The following DLGAP2 variants were observed in gnomAD, a reference collection of about 807,000 sequenced individuals.
DLGAP2 encodes disks large-associated protein 2.
Under a neutral mutation model 100.3 loss-of-function variants are expected in DLGAP2, and 26 were observed. The ratio of observed to expected loss-of-function variants is 0.26; its 90% CI spans 0.19 to 0.36. The LOEUF (loss-of-function observed/expected upper bound fraction) is 0.36, where lower values mean the gene tolerates loss of function less well. Among genes scored for constraint, DLGAP2 ranks in the 10% least tolerant of loss-of-function variants. The pLI, the probability that DLGAP2 is intolerant of heterozygous loss-of-function variation, is 1.00. For synonymous variants in DLGAP2, 886 were observed against 630.1 expected (o/e 1.41, Z -6.08); for missense variants, 1,858 against 1,453.2 (o/e 1.28, Z -4.53).
intron 3 of DLGAP2, among the ~76,000 whole-genome samples, chr8:1,468,832 C>G (rs1466680441): frequency 1.3e-5 from 2 of 152,218 alleles, no homozygotes; most frequent in Admixed American, 6.5e-5. Flanking sequence ...TGGATGCCAG[C>G]AGCTTGTGGT....
At chr8:1,512,898 G>A (rs574404467) in intron 4 of DLGAP2, among the ~76,000 whole-genome samples, 20 of 152,376 alleles carry the variant, frequency 1.3e-4, no homozygotes, top group Non-Finnish European at 2.5e-4. Context: ...TGGTCGCACC[G>A]CCACCCTGTG....
At chr8:1,599,803 C>G (rs1041990380) in intron 6 of DLGAP2, among the ~76,000 whole-genome samples, 26 of 152,140 alleles carry the variant, frequency 1.7e-4, no homozygotes, top group Non-Finnish European at 7.3e-5. Context: ...ATACAGCATA[C>G]TAATGGGCCT....
chr8:1,108,861 A>T (rs1585068102), intron 2 of DLGAP2, among the ~76,000 whole-genome samples: 1 of 120,286 alleles, frequency 8.3e-6, no homozygotes, highest in East Asian at 2.9e-4. Flanking sequence ...TGAGGTGTGC[A>T]CGGGTCTGTG....
At chr8:1,390,209 C>T (rs139267775) in intron 3 of DLGAP2, among the ~76,000 whole-genome samples, 1 of 152,116 alleles carries the variant, frequency 6.6e-6, no homozygotes, top group South Asian at 2.1e-4. Context: ...TGATCTCTGC[C>T]ATAGTAATCA....
intron 1 of DLGAP2, among the ~76,000 whole-genome samples, chr8:856,451 G>A (rs955634976): frequency 6.6e-5 from 10 of 152,094 alleles, no homozygotes; most frequent in African/African-American, 1.9e-4. Flanking sequence ...GCCTCCCATA[G>A]TGCTGGGATT....
intron 3 of DLGAP2, among the ~76,000 whole-genome samples, chr8:1,417,318 G>GGGTTA (rs1796923315): frequency 6.6e-6 from 1 of 152,162 alleles, no homozygotes; most frequent in African/African-American, 2.4e-5. Context: ...GGGGTGCCCA[G>GGGTTA]GTTCGACAGC....
At chr8:1,063,794 T>C (rs562087193) in intron 2 of DLGAP2, among the ~76,000 whole-genome samples, 1 of 152,310 alleles carries the variant, frequency 6.6e-6, no homozygotes, top group South Asian at 2.1e-4. Flanking sequence ...ATTTCATTCA[T>C]AATTTTGTTC....
chr8:1,325,427 G>A (rs113046069), intron 3 of DLGAP2, among the ~76,000 whole-genome samples: 2,353 of 152,318 alleles, frequency 0.015, 41 homozygotes, highest in Non-Finnish European at 0.024. Context: ...CCTGCAGCCC[G>A]GCTGCTGTAG....
chr8:1,481,531 T>C (rs1485025830), intron 3 of DLGAP2, among the ~76,000 whole-genome samples: 2 of 132,288 alleles, frequency 1.5e-5, no homozygotes, highest in Non-Finnish European at 3.1e-5. Flanking sequence ...CAGGCTGGAG[T>C]GCAGTGGTAT....
At chr8:1,673,853 G>A (rs1222505534) in intron 10 of DLGAP2, among the ~76,000 whole-genome samples, 1 of 152,038 alleles carries the variant, frequency 6.6e-6, no homozygotes, top group Non-Finnish European at 1.5e-5. Flanking sequence ...ATATATTAGA[G>A]GAAATTTGGA....
At chr8:771,996 G>A (rs1190344980) in intron 1 of DLGAP2, among the ~76,000 whole-genome samples, 1 of 151,812 alleles carries the variant, frequency 6.6e-6, no homozygotes, top group Non-Finnish European at 1.5e-5. Flanking sequence ...TCCAACTCCT[G>A]GACTCAAGCG....
intron 3 of DLGAP2, among the ~76,000 whole-genome samples, chr8:1,497,871 A>G (rs192312147): frequency 3.5e-4 from 53 of 152,318 alleles, no homozygotes; most frequent in African/African-American, 1.0e-3. Flanking sequence ...TGAACTCTGT[A>G]AAGTATTTTG....
chr8:787,329 G>A (rs1821895940), intron 1 of DLGAP2, among the ~76,000 whole-genome samples: 1 of 152,174 alleles, frequency 6.6e-6, no homozygotes, highest in Admixed American at 6.5e-5. Flanking sequence ...GTGATGCTGA[G>A]GACCCTCCTT....
At chr8:1,249,390 A>T (rs567393528) in intron 2 of DLGAP2, among the ~76,000 whole-genome samples, 21 of 152,226 alleles carry the variant, frequency 1.4e-4, no homozygotes, top group African/African-American at 3.6e-4. Context: ...TCCTTATGTC[A>T]TCTCTTCAGG....
Position 860,460 on chromosome 8 carries a change from A to G in DLGAP2, c.19-47452A>G, listed in dbSNP as rs182436400. 1.3e-4 allele frequency among the ~76,000 whole-genome samples: 20 copies of G among 152,314 alleles called. No homozygotes were observed. In the East Asian group the frequency reaches 2.5e-3, roughly 19 times the overall value. On this transcript the variant is annotated intron_variant, in intron 1 of 14. Transcript: ENST00000637795. ...GCCTTGGCTTTTCTGTCCCAATGGA[A>G]TGAATTTCATTGTCCTGGACCAAAT...
At chr8:1,545,439 T>C (rs1002516005) in intron 4 of DLGAP2, among the ~76,000 whole-genome samples, 16 of 152,218 alleles carry the variant, frequency 1.1e-4, no homozygotes, top group Non-Finnish European at 2.1e-4. Flanking sequence ...TGTACGTTCA[T>C]GAATAAATGA....
intron 6 of DLGAP2, among the ~76,000 whole-genome samples, chr8:1,605,461 A>G (rs767381982): frequency 2.0e-5 from 3 of 152,130 alleles, no homozygotes; most frequent in Non-Finnish European, 4.4e-5. Flanking sequence ...TGATCACAAG[A>G]GTCTCTGGTG....
At chr8:1,283,539 T>C (rs1484775651) in intron 3 of DLGAP2, among the ~76,000 whole-genome samples, 1 of 152,238 alleles carries the variant, frequency 6.6e-6, no homozygotes, top group Non-Finnish European at 1.5e-5. Context: ...CCTTTCAGCC[T>C]TGGCACTCGG....
intron 3 of DLGAP2, among the ~76,000 whole-genome samples, chr8:1,481,577 G>C (rs13279478): frequency 0.68 from 101,246 of 148,250 alleles, 34,915 homozygotes; most frequent in African/African-American, 0.79. Context: ...CTCCCAGGTT[G>C]AAGTGATTCT....
Sources: gnomAD v4.1 joint callset for allele counts (sites outside exome capture counted in the v4.1 genomes callset) on GRCh38, gnomAD v4.1.1 for gene constraint, MANE v1.5 for transcripts, NCBI Gene and HGNC (gene_info 2026-07-23, HGNC 2026-07-21) for gene names.